The following YTHDC2 variants were observed in gnomAD, a reference collection of about 807,000 sequenced individuals.
The protein encoded by YTHDC2 is 3'-5' RNA helicase YTHDC2.
Under a neutral mutation model 174.9 loss-of-function variants are expected in YTHDC2, and 45 were observed. The ratio of observed to expected loss-of-function variants is 0.26; its 90% CI spans 0.20 to 0.33. YTHDC2 has a LOEUF of 0.33. Among genes scored for constraint, YTHDC2 ranks in the 10% least tolerant of loss-of-function variants. YTHDC2 has a pLI of 1.00. For missense variants in YTHDC2, 1,650 were observed against 1,723.7 expected (o/e 0.96, Z 0.76); for synonymous variants, 657 against 574.5 (o/e 1.14, Z -2.05).
chr5:113,567,566 C>T (rs1448058651), intron 22 of YTHDC2, 88 bp from the exon 23 acceptor site: 2 of 1,171,770 alleles, frequency 1.7e-6, no homozygotes, highest in Non-Finnish European at 2.4e-6. Flanking sequence ...TCATCTATTT[C>T]ATTGAGAGAC....
In YTHDC2 at chr5:113,526,659, A is replaced by T; in HGVS notation, c.549A>T (p.Glu183Asp). The change falls in exon 4 of 30, where the codon GAA (glutamate) becomes GAT (aspartate). Residue 183 changes from glutamate to aspartate, a missense_variant. Glu to Asp is a conservative substitution (Grantham distance 45, BLOSUM62 2). Around this residue, in one of 5 missense-constraint regions of YTHDC2, gnomAD observed 304 missense variants for 341.4 expected, o/e 0.89. Coordinates refer to ENST00000161863, the MANE Select transcript of YTHDC2 (RefSeq NM_022828.5). ...GIPQIPVKRG[E>D]SEFDSFRQSL... ...CTCAGATTCCAGTGAAAAGAGGAGA[A>T]TCCGAATTTGATTCTTTTAGGCAGT... 1 of 1,606,968 alleles carries T rather than the reference A, an allele frequency of 6.2e-7. No homozygotes were observed. Among genetic ancestry groups the T allele is most frequent in the Non-Finnish European group, 8.5e-7 (1 of 1,176,114 alleles).
chr5:113,535,478 A>G (rs1249215974), intron 6 of YTHDC2, among the ~76,000 whole-genome samples, 164 bp from the exon 7 acceptor site: 3 of 152,162 alleles, frequency 2.0e-5, no homozygotes, highest in Non-Finnish European at 4.4e-5. Context: ...GTTAATGTCT[A>G]ATTATTTCTG....
intron 4 of YTHDC2, among the ~76,000 whole-genome samples, chr5:113,531,583 A>G (rs766798733): frequency 3.9e-5 from 6 of 152,078 alleles, no homozygotes; most frequent in Non-Finnish European, 5.9e-5. Context: ...GCCTTCAGCC[A>G]AACACTTTAT....
chr5:113,513,876 G>T lies in YTHDC2; in HGVS notation c.-20G>T. On this transcript the variant is annotated 5_prime_UTR_variant, in exon 1 of 30. Coordinates refer to ENST00000161863, the MANE Select transcript of YTHDC2 (RefSeq NM_022828.5). ...GCAGGCCTGGCCGCTCCCGTGCGGA[G>T]AGACCATCTCTTCAGGGCAATGTCC... 7 of 1,585,852 alleles carry T rather than the reference G, an allele frequency of 4.4e-6. No individual in the cohort carries two copies. Among genetic ancestry groups the T allele is most frequent in the Non-Finnish European group, 6.0e-6 (7 of 1,169,776 alleles).
At chr5:113,552,224 T>A (rs1015486981) in intron 12 of YTHDC2, among the ~76,000 whole-genome samples, 1 of 152,220 alleles carries the variant, frequency 6.6e-6, no homozygotes, top group East Asian at 1.9e-4. Flanking sequence ...GGTGACCAAT[T>A]CAATGGTTTT....
intron 20 of YTHDC2, 123 bp from the exon 21 acceptor site, chr5:113,565,770 T>C (rs1470581520): frequency 3.2e-6 from 3 of 934,002 alleles, no homozygotes; most frequent in Non-Finnish European, 4.5e-6. Flanking sequence ...TTAGATTTTA[T>C]AGAAAATTAG....
At chr5:113,517,841 T>C (rs1427340408) in intron 2 of YTHDC2, among the ~76,000 whole-genome samples, 2 of 152,222 alleles carry the variant, frequency 1.3e-5, no homozygotes, top group African/African-American at 4.8e-5. Context: ...TGAGAATTTG[T>C]ACCTGACTTA....
Position 113,591,090 on chromosome 5 carries a change from T to C in YTHDC2, c.3875T>C (p.Ile1292Thr). Residue 1292 changes from isoleucine to threonine, a missense_variant, in exon 27 of 30, where the codon ATA becomes ACA. Around this residue, in one of 5 missense-constraint regions of YTHDC2, gnomAD observed 913 missense variants for 940.4 expected, o/e 0.97. Coordinates refer to ENST00000161863, the MANE Select transcript of YTHDC2 (RefSeq NM_022828.5). ...CCAAACATGCCTGTTCGATACTTCATAATGAAGAGTAGCAATTTGAGAAAC... is the reference window on the plus strand; with the variant it reads ...CCAAACATGCCTGTTCGATACTTCACAATGAAGAGTAGCAATTTGAGAAAC... ...PRPNMPVRYF[I>T]MKSSNLRNLE... 1 of 1,613,978 alleles carries C rather than the reference T, an allele frequency of 6.2e-7. No homozygotes were observed. The highest frequency in any genetic ancestry group is 8.5e-7 in the Non-Finnish European group (1 of 1,179,898).
chr5:113,571,376 T>C (rs949583338), intron 23 of YTHDC2, among the ~76,000 whole-genome samples: 3 of 152,246 alleles, frequency 2.0e-5, no homozygotes, highest in Admixed American at 1.3e-4. Flanking sequence ...TGTATTTGGT[T>C]TGCCCATATT....
intron 2 of YTHDC2, among the ~76,000 whole-genome samples, chr5:113,515,816 A>G (rs1773382246): frequency 6.6e-6 from 1 of 152,240 alleles, no homozygotes; most frequent in Non-Finnish European, 1.5e-5. Context: ...TTGAACTTGT[A>G]GGTGCAGTAA....
intron 23 of YTHDC2, among the ~76,000 whole-genome samples, chr5:113,573,304 C>T (rs1424203712): frequency 3.3e-5 from 5 of 152,180 alleles, no homozygotes; most frequent in African/African-American, 1.2e-4. Context: ...CCCCCAATCT[C>T]TTCTGGCTTG....
At chr5:113,522,677 A>T (rs1045860644) in intron 2 of YTHDC2, among the ~76,000 whole-genome samples, 2 of 152,176 alleles carry the variant, frequency 1.3e-5, no homozygotes, top group Non-Finnish European at 2.9e-5. Flanking sequence ...CATAATAAGG[A>T]GTTCTCAATT....
Position 113,513,724 on chromosome 5 carries a change from C to A in YTHDC2, c.-172C>A. ...TCGCCTGGCCGTGATATCAATGGCG[C>A]AGGCTTCACTTCTGCTGTGGCGGTG... is the stretch of plus-strand genomic sequence containing the variant. On this transcript the variant is annotated 5_prime_UTR_variant, in exon 1 of 30. Coordinates refer to ENST00000161863, the MANE Select transcript of YTHDC2 (RefSeq NM_022828.5). The A allele has an allele frequency of 1.5e-6, 1 of 687,760 alleles. No individual in the cohort carries two copies. The highest frequency in any genetic ancestry group is 2.3e-6 in the Non-Finnish European group (1 of 441,708). 42.6% of individuals were successfully genotyped at this position (687,760 alleles called of 1,614,324 possible). A position where few individuals can be genotyped will look rare whatever the true frequency, so the allele number is the denominator to read the frequency against.
At chr5:113,542,987 TTCTTGGCAAGA>T (rs1248941265) in intron 10 of YTHDC2, among the ~76,000 whole-genome samples, 1 of 152,220 alleles carries the variant, frequency 6.6e-6, no homozygotes. Context: ...CTTCTTGGTT[TTCTTGGCAAGA>T]TCTTTTTCTT....
chr5:113,528,940 G>A (rs568709493), intron 4 of YTHDC2, among the ~76,000 whole-genome samples: 1 of 152,156 alleles, frequency 6.6e-6, no homozygotes, highest in South Asian at 2.1e-4. Context: ...TGGGGGGTTT[G>A]TATGTTTTGT....
At chr5:113,577,670 T>C (rs1778141828) in intron 23 of YTHDC2, among the ~76,000 whole-genome samples, 1 of 152,146 alleles carries the variant, frequency 6.6e-6, no homozygotes, top group South Asian at 2.1e-4. Context: ...GCACCTGGCC[T>C]CTTTTGTATA....
intron 10 of YTHDC2, among the ~76,000 whole-genome samples, chr5:113,544,370 C>T (rs1021794502): frequency 2.0e-5 from 3 of 152,034 alleles, no homozygotes; most frequent in African/African-American, 7.2e-5. Context: ...AGGATGGTCT[C>T]AATCTCTTGA....
chr5:113,550,277 G>T (rs1367463115), intron 12 of YTHDC2, among the ~76,000 whole-genome samples: 2 of 151,832 alleles, frequency 1.3e-5, no homozygotes, highest in Non-Finnish European at 2.9e-5. Context: ...GGTCTCTGTG[G>T]GGGAAAAATT....
chr5:113,576,717 G>T (rs7729433), intron 23 of YTHDC2, among the ~76,000 whole-genome samples: 1 of 151,478 alleles, frequency 6.6e-6, no homozygotes, highest in African/African-American at 2.4e-5. Context: ...TTCATCTTCT[G>T]CCCATTTATT....
Sources: allele counts gnomAD v4.1 joint callset (sites outside exome capture counted in the v4.1 genomes callset), GRCh38; gene constraint gnomAD v4.1.1; regional missense constraint gnomAD v4.1.1; transcripts MANE v1.5; gene names NCBI Gene and HGNC (gene_info 2026-07-23, HGNC 2026-07-21).